Variants in VCP observed in about 807,000 individuals in gnomAD.
The protein encoded by VCP is transitional endoplasmic reticulum ATPase.
A neutral mutation model predicts 85.7 loss-of-function variants in VCP; 6 were observed. The ratio of observed to expected loss-of-function variants is 0.07; its 90% confidence interval spans 0.04 to 0.14. The LOEUF (loss-of-function observed/expected upper bound fraction) is 0.14. VCP is among the 10% of genes least tolerant of loss of function. VCP has a pLI of 1.00. For missense variants in VCP, 353 were observed against 1,043.4 expected (o/e 0.34, Z 9.12); for synonymous variants, 384 against 367.1 (o/e 1.05, Z -0.53).
At chr9:35,061,387 T>G (rs1054714823) in intron 10 of VCP, among the ~76,000 whole-genome samples, 190 bp downstream of exon 10, 1 of 152,212 alleles carries the variant, frequency 6.6e-6, no homozygotes, top group Non-Finnish European at 1.5e-5. Context: ...AATTCTGATT[T>G]ACTCTAAATG....
Position 35,056,569 on chromosome 9 carries a change from T to C in VCP, c.*548A>G, listed in dbSNP as rs553403886. 1.3e-3 allele frequency: 217 copies of C among 171,624 alleles called. No individual in the cohort carries two copies. Among genetic ancestry groups the C allele is most frequent in the African/African-American group, 5.0e-3 (212 of 42,010 alleles). 10.6% of individuals were successfully genotyped at this position (171,624 alleles called of 1,614,324 possible). On this transcript the variant is annotated 3_prime_UTR_variant, in exon 17 of 17. Transcript: ENST00000358901. ...CAGGGCCCAGGACTCAGGCTCCATT[T>C]TGACCCAACGTTTATTGTCCTTTTA... is the stretch of plus-strand genomic sequence containing the variant.
In VCP at chr9:35,059,925, A is replaced by G; in HGVS notation, c.1696-124T>C. On this transcript the variant is annotated intron_variant, in intron 13 of 16. Transcript: ENST00000358901. This position sits in a 1 kb window ranked among gnomAD's most constrained non-coding sequence, Gnocchi z 4.9. The stretch of plus-strand genomic sequence containing the variant: ...AGGTGGGAGGATCACTTGAGGCCAG[A>G]AATCCGAAACCAGCATGGGCAACAT... 3 of 1,272,326 alleles carry G rather than the reference A, an allele frequency of 2.4e-6. No individual in the cohort carries two copies. Among genetic ancestry groups the G allele is most frequent in the Non-Finnish European group, 3.4e-6 (3 of 895,004 alleles). The allele number at this position is 1,272,326 out of a possible 1,614,324, so 78.8% of individuals were successfully genotyped here.
At chr9:35,065,470 G>A (rs186741682) in intron 4 of VCP, 89 bp from the exon 5 acceptor site, 3 of 1,567,086 alleles carry the variant, frequency 1.9e-6, no homozygotes, top group Non-Finnish European at 8.7e-7. Context: ...AAAATGCCAA[G>A]CTCATTAGAT....
rs1253907515 is a variant in VCP at position 35,072,453 on chromosome 9, G to C, written c.-100C>G. On this transcript the variant is annotated 5_prime_UTR_variant, in exon 1 of 17. Transcript: ENST00000358901. ...GGGCCGGGGCTCGGCTCTTCCAGGC[G>C]GTGGGCGAGCAGCGGCGACAAACCC... The C allele has an allele frequency of 6.7e-6, 9 of 1,352,722 alleles. No individual in the cohort carries two copies. In the South Asian group the frequency reaches 1.5e-4, roughly 22 times the overall value. The allele number at this position is 1,352,722 out of a possible 1,614,324, so 83.8% of individuals were successfully genotyped here.
At chr9:35,072,135 G>T in intron 1 of VCP, 2 of 1,384,702 alleles carry the variant, frequency 1.4e-6, no homozygotes, top group South Asian at 3.1e-5. Flanking sequence ...CGCAAGCCCC[G>T]CCTAGGGGGC....
At position 35,062,075 on chromosome 9, in the gene VCP, G is replaced by C; in HGVS notation, c.1009C>G (p.Gln337Glu). ...QLLTLMDGLKQRAHVIVMAAT... is the reference protein window; with the variant it reads ...QLLTLMDGLKERAHVIVMAAT... ...GCCATAACAATCACATGTGCCCTCT[G>C]CTTTAGGCCATCCATGAGGGTCAAC... Residue 337 changes from glutamine (Q) to glutamate (E), a missense_variant, in exon 9 of 17, where the codon CAG becomes GAG. Coordinates refer to ENST00000358901, the MANE Select transcript of VCP (RefSeq NM_007126.5). 1 of 1,614,164 alleles carries C rather than the reference G, an allele frequency of 6.2e-7. No individual in the cohort carries two copies. Among genetic ancestry groups the C allele is most frequent in the Non-Finnish European group, 8.5e-7 (1 of 1,180,016 alleles).
intron 9 of VCP, 148 bp from the exon 10 acceptor site, chr9:35,061,837 T>C: frequency 6.9e-7 from 1 of 1,450,938 alleles, no homozygotes; most frequent in Non-Finnish European, 9.6e-7. Context: ...CCTTTCAGTC[T>C]CAGGAAAACC....
chr9:35,059,400 A>G lies in VCP; in HGVS notation c.2004+93T>C. On this transcript the variant is annotated intron_variant, in intron 14 of 16. Coordinates refer to ENST00000358901, the MANE Select transcript of VCP (RefSeq NM_007126.5). This position sits in a 1 kb window ranked among gnomAD's most constrained non-coding sequence, Gnocchi z 4.9. ...CTACCTTCCCTTTAGACCAACCCTA[A>G]CCCCAGTGGAATCTTGTCCAGAAAC... 1 of 1,553,264 alleles carries G rather than the reference A, an allele frequency of 6.4e-7. No homozygotes were observed. Among genetic ancestry groups the G allele is most frequent in the Non-Finnish European group, 8.8e-7 (1 of 1,141,462 alleles).
intron 1 of VCP, chr9:35,071,807 G>C (rs960130502): frequency 7.1e-6 from 7 of 989,612 alleles, no homozygotes; most frequent in African/African-American, 1.7e-5. Context: ...GCTTCCCTGA[G>C]CTCGGCGGGC....
chr9:35,065,308 A>G lies in VCP; in HGVS notation c.519T>C (p.Tyr173=), dbSNP rs762659353. The G allele has an allele frequency of 3.7e-6, 6 of 1,614,200 alleles. No homozygotes were observed. The highest frequency in any genetic ancestry group is 4.5e-5 in the East Asian group (2 of 44,872). Residue 173 remains tyrosine (Y), a synonymous_variant, in exon 5 of 17, where the codon TAT becomes TAC. Coordinates refer to ENST00000358901, the MANE Select transcript of VCP (RefSeq NM_007126.5). ...FKVVETDPSP[Y]CIVAPDTVIH... ...TCACTGTGTCTGGAGCAACAATGCA[A>G]TAAGGGCTAGGATCTGTTTCCACCA...
rs191464167 is a variant in VCP, at chr9:35,057,566, A to G, written c.2161-36T>C. The stretch of plus-strand genomic sequence containing the variant: ...TAAACACAGATCACTAGGGCTAGTT[A>G]AAGCCCAGCCTGGATTTCATCCCAG... On this transcript the variant is annotated intron_variant, in intron 15 of 16. Coordinates refer to ENST00000358901, the MANE Select transcript of VCP (RefSeq NM_007126.5). 157 of 1,602,258 alleles carry G rather than the reference A, an allele frequency of 9.8e-5. No homozygotes were observed. In the East Asian group the frequency reaches 3.2e-3, roughly 32 times the overall value.
In VCP at chr9:35,058,963, A is replaced by G. The variant is rs1432867373; in HGVS notation, c.2160+101T>C. ...CCCTATTAAAATTCTTCTCAGTTAG[A>G]TGATCTTTCCAACAGCTTCTACTCT... On this transcript the variant is annotated intron_variant, in intron 15 of 16. Transcript: ENST00000358901. 5 of 1,518,972 alleles carry G rather than the reference A, an allele frequency of 3.3e-6. No individual in the cohort carries two copies. The East Asian group carries it at 6.8e-5, about 21-fold the overall frequency. 94.1% of individuals were successfully genotyped at this position (1,518,972 alleles called of 1,614,324 possible).
Position 35,060,998 on chromosome 9 carries a change from A to C in VCP, c.1359+17T>G. ...AAGCACGTATGTGTGTACCTGAGGC[A>C]CGGGTGTGGTCCTTACCCGGAAGTC... On this transcript the variant is annotated intron_variant, in intron 11 of 16. Transcript: ENST00000358901. The C allele has an allele frequency of 6.2e-7, 1 of 1,614,164 alleles. No homozygotes were observed. Among genetic ancestry groups the C allele is most frequent in the Non-Finnish European group, 8.5e-7 (1 of 1,180,040 alleles).
Position 35,057,018 on chromosome 9 carries a change from G to C in VCP, c.*99C>G. The stretch of plus-strand genomic sequence containing the variant: ...CTGTTCAGACTGGAGAATGGAGCAG[G>C]CTGTGGGCGCACCCCTGGTCCCTCT... On this transcript the variant is annotated 3_prime_UTR_variant, in exon 17 of 17. Transcript: ENST00000358901. 1 of 1,166,834 alleles carries C rather than the reference G, an allele frequency of 8.6e-7. No individual in the cohort carries two copies. Among genetic ancestry groups the C allele is most frequent in the Non-Finnish European group, 1.3e-6 (1 of 781,668 alleles). The allele number at this position is 1,166,834 out of a possible 1,614,324, so 72.3% of individuals were successfully genotyped here. A position where few individuals can be genotyped will look rare whatever the true frequency, so the allele number is the denominator to read the frequency against.
At chr9:35,069,011 G>A (rs146628374) in intron 1 of VCP, among the ~76,000 whole-genome samples, 23 of 152,222 alleles carry the variant, frequency 1.5e-4, no homozygotes, top group Middle Eastern at 3.4e-3. Context: ...TTGAGGCTCA[G>A]GGAGGCCTTA....
rs766404812 is a variant in VCP, at chr9:35,062,962, G to A, written c.811+16C>T. 1.2e-6 allele frequency: 2 copies of A among 1,613,456 alleles called. No individual in the cohort carries two copies. Among genetic ancestry groups the A allele is most frequent in the Non-Finnish European group, 1.7e-6 (2 of 1,179,486 alleles). On this transcript the variant is annotated intron_variant, in intron 7 of 16. Coordinates refer to ENST00000358901, the MANE Select transcript of VCP (RefSeq NM_007126.5). ...AATTGGGTCTAGCTAGACATAAGAT[G>A]AACCAAATATCTCACCATTGATCAA...
chr9:35,067,413 G>C (rs1828854897), intron 3 of VCP, among the ~76,000 whole-genome samples: 1 of 152,108 alleles, frequency 6.6e-6, no homozygotes, highest in Non-Finnish European at 1.5e-5. Flanking sequence ...TCCCAGGTCT[G>C]GCTCCAACTA....
chr9:35,061,760 C>T, intron 9 of VCP, 71 bp from the exon 10 acceptor site: 1 of 1,426,494 alleles, frequency 7.0e-7, no homozygotes, highest in Non-Finnish European at 9.9e-7. Context: ...CCTAGGGTGA[C>T]CAACCATCTC....
At position 35,057,042 on chromosome 9, in the gene VCP, C is replaced by G. The variant is rs1005678139; in HGVS notation, c.*75G>C. 6.0e-6 allele frequency: 9 copies of G among 1,498,484 alleles called. No homozygotes were observed. Among genetic ancestry groups the G allele is most frequent in the Non-Finnish European group, 8.3e-6 (9 of 1,079,260 alleles). The allele number at this position is 1,498,484 out of a possible 1,614,324, so 92.8% of individuals were successfully genotyped here. On this transcript the variant is annotated 3_prime_UTR_variant, in exon 17 of 17. Coordinates refer to ENST00000358901, the MANE Select transcript of VCP (RefSeq NM_007126.5). ...GGCTGTGGGCGCACCCCTGGTCCCT[C>G]TCCTGGGCAAGCGCCCCCACCCCCA...
Sources: allele counts gnomAD v4.1 joint callset (sites outside exome capture counted in the v4.1 genomes callset), GRCh38; gene constraint gnomAD v4.1.1; non-coding constraint Gnocchi (gnomAD v3.1); transcripts MANE v1.5; gene names NCBI Gene and HGNC (gene_info 2026-07-23, HGNC 2026-07-21).